Variants in NRXN2 observed in about 807,000 individuals in gnomAD.
NRXN2 encodes the protein neurexin 2.
Under a neutral mutation model 128.8 loss-of-function variants are expected in NRXN2, and 29 were observed. That is an observed-to-expected ratio of 0.23 (90% CI 0.17 to 0.31). NRXN2 has a LOEUF of 0.31. NRXN2 is among the 10% of genes least tolerant of loss of function. NRXN2 has a pLI of 1.00. For missense variants in NRXN2, 1,881 were observed against 2,452.6 expected (o/e 0.77, Z 4.92); for synonymous variants, 1,098 against 1,075.2 (o/e 1.02, Z -0.41).
Position 64,622,672 on chromosome 11 carries a change from C to T in NRXN2, c.4173+81G>A. ...AGACCCCTTGGACCCTCACTCTAGG[C>T]ACCACTACTGTGGCTATGCAGATAT... On this transcript the variant is annotated intron_variant, in intron 21 of 22. Coordinates refer to ENST00000265459, the MANE Select transcript of NRXN2 (RefSeq NM_015080.4). The surrounding 1 kb of genome is among the most constrained non-coding windows in gnomAD (Gnocchi z 4.3). The T allele has an allele frequency of 6.5e-7, 1 of 1,533,784 alleles. No individual in the cohort carries two copies. The highest frequency in any genetic ancestry group is 1.2e-5 in the South Asian group (1 of 82,028).
intron 17 of NRXN2, among the ~76,000 whole-genome samples, chr11:64,645,297 G>A (rs71579874): frequency 1.4e-4 from 22 of 152,244 alleles, no homozygotes; most frequent in South Asian, 6.2e-4. Context: ...ATCAATACCA[G>A]TGAGTGGGAA....
At chr11:64,698,797 A>G (rs1461333151) in intron 2 of NRXN2, among the ~76,000 whole-genome samples, 3 of 152,176 alleles carry the variant, frequency 2.0e-5, no homozygotes, top group African/African-American at 7.2e-5. Flanking sequence ...ACTAAGCTAC[A>G]ACTCCTCAAG....
At chr11:64,693,003 T>G in intron 3 of NRXN2, 127 bp from the exon 4 acceptor site, 30 of 764,654 alleles carry the variant, frequency 3.9e-5, no homozygotes, top group Non-Finnish European at 4.4e-5. Flanking sequence ...AAAAAGCTTT[T>G]GCTGCCACAA....
At chr11:64,640,955 C>T (rs1372843519) in intron 17 of NRXN2, among the ~76,000 whole-genome samples, 2 of 151,188 alleles carry the variant, frequency 1.3e-5, no homozygotes, top group African/African-American at 4.9e-5. Flanking sequence ...GATGGAGGAG[C>T]AAAAATGGAG....
chr11:64,633,382 C>G (rs540210574), intron 18 of NRXN2, among the ~76,000 whole-genome samples: 2 of 152,342 alleles, frequency 1.3e-5, no homozygotes, highest in South Asian at 4.1e-4. Flanking sequence ...CCTTCAACCT[C>G]CAAACATCCC....
At chr11:64,685,092 C>T (rs1161592563) in intron 6 of NRXN2, among the ~76,000 whole-genome samples, 1 of 152,170 alleles carries the variant, frequency 6.6e-6, no homozygotes, top group Non-Finnish European at 1.5e-5. Context: ...TCACTGGCTC[C>T]ATCTCTGCCT....
At chr11:64,644,330 G>GC (rs986622477) in intron 17 of NRXN2, among the ~76,000 whole-genome samples, 1 of 151,198 alleles carries the variant, frequency 6.6e-6, no homozygotes, top group Non-Finnish European at 1.5e-5. Flanking sequence ...TGCTCCCCCA[G>GC]CCCCCTGCAC....
At chr11:64,633,223 C>A (rs2044186149) in intron 18 of NRXN2, among the ~76,000 whole-genome samples, 1 of 152,228 alleles carries the variant, frequency 6.6e-6, no homozygotes, top group Non-Finnish European at 1.5e-5. Flanking sequence ...CATCCTGATC[C>A]CCCTACCCTT....
chr11:64,660,847 G>A lies in NRXN2; in HGVS notation c.2091C>T (p.Ala697=). Residue 697 remains alanine, a synonymous_variant, in exon 10 of 23, where the codon GCC becomes GCT. Transcript: ENST00000265459. This position sits in a 1 kb window ranked among gnomAD's most constrained non-coding sequence, Gnocchi z 5.2. ...SRETLKQCAS[A]PCRNGGVCRE... ...GACAGACGCCCCCATTGCGACAGGG[G>A]GCAGATGCACACTGCTTCAGCGTCT... is the stretch of plus-strand genomic sequence containing the variant. 1 of 1,613,996 alleles carries A rather than the reference G, an allele frequency of 6.2e-7. No homozygotes were observed. Among genetic ancestry groups the A allele is most frequent in the South Asian group, 1.1e-5 (1 of 91,082 alleles).
intron 18 of NRXN2, among the ~76,000 whole-genome samples, chr11:64,633,353 T>G (rs1591638429): frequency 1.3e-5 from 2 of 152,208 alleles, no homozygotes; most frequent in South Asian, 4.1e-4. Flanking sequence ...GCTCCCTACG[T>G]TCTTCACATA....
At chr11:64,701,771 G>A (rs1048529809) in intron 2 of NRXN2, among the ~76,000 whole-genome samples, 153 of 151,908 alleles carry the variant, frequency 1.0e-3, no homozygotes, top group Non-Finnish European at 1.9e-3. Context: ...GTCCGGGGGG[G>A]AAGTGGGGGG....
chr11:64,617,161 CGTGT>C (rs35015925), intron 22 of NRXN2, among the ~76,000 whole-genome samples: 4 of 151,254 alleles, frequency 2.6e-5, no homozygotes, highest in African/African-American at 7.3e-5. Context: ...TAGGTTTGAA[CGTGT>C]GTGTGTGTGT....
chr11:64,713,318 C>G lies in NRXN2; in HGVS notation c.382G>C (p.Val128Leu). Residue 128 changes from valine (V) to leucine (L), a missense_variant, in exon 2 of 23, where the codon GTG (valine) becomes CTG (leucine). Val to Leu is a conservative substitution (Grantham distance 32). Transcript: ENST00000265459. ...TRDARRTALA[V>L]DGEARAAEVR... ...TCGGCGGCGCGGGCCTCGCCGTCCACCGCCAGCGCCGTGCGGCGCGCGTCG... is the reference window on the plus strand; with the variant it reads ...TCGGCGGCGCGGGCCTCGCCGTCCAGCGCCAGCGCCGTGCGGCGCGCGTCG... 1 of 1,368,456 alleles carries G rather than the reference C, an allele frequency of 7.3e-7. No homozygotes were observed. Among genetic ancestry groups the G allele is most frequent in the Non-Finnish European group, 9.4e-7 (1 of 1,068,524 alleles). 84.8% of individuals were successfully genotyped at this position (1,368,456 alleles called of 1,614,324 possible).
intron 2 of NRXN2, 160 bp downstream of exon 2, chr11:64,712,810 G>T: frequency 1.6e-6 from 1 of 607,474 alleles, no homozygotes; most frequent in South Asian, 1.5e-5. Flanking sequence ...GCCCTCGCCC[G>T]GACACGCGTC....
rs1278027042 is a variant in NRXN2, at chr11:64,606,174, T to C, written c.*1022A>G. On this transcript the variant is annotated 3_prime_UTR_variant, in exon 23 of 23. Transcript: ENST00000265459. Reference sequence around the variant, plus strand: ...CCCCCAAAAAAACTGCACAGGACCGTTGGAATTTGGAAAGTTTTTGTTTTC... The same window carrying C: ...CCCCCAAAAAAACTGCACAGGACCGCTGGAATTTGGAAAGTTTTTGTTTTC... 1 of 152,216 alleles carries C rather than the reference T, an allele frequency of 6.6e-6. No individual in the cohort carries two copies. Among genetic ancestry groups the C allele is most frequent in the African/African-American group, 2.4e-5 (1 of 41,366 alleles). 9.4% of individuals were successfully genotyped at this position (152,216 alleles called of 1,614,324 possible). A position where few individuals can be genotyped will look rare whatever the true frequency, so the allele number is the denominator to read the frequency against.
At chr11:64,716,492 A>AG (rs956582396) in intron 1 of NRXN2, among the ~76,000 whole-genome samples, 2 of 152,210 alleles carry the variant, frequency 1.3e-5, no homozygotes, top group Middle Eastern at 3.4e-3. Context: ...GTGGAGGGGC[A>AG]GGGGGGCGAA....
rs781265629 is a variant in NRXN2, at chr11:64,650,495, C to A, written c.3062G>T (p.Arg1021Leu). The change falls in exon 15 of 23, where the codon CGC (arginine) becomes CTC (leucine). Residue 1021 changes from arginine to leucine, a missense_variant. Physicochemically the swap from Arg to Leu is moderately radical, Grantham distance 102. Transcript: ENST00000265459. ...GNVHTLKIDS[R>L]TVTQHSNGAR... ...GCCATTGGAGTGCTGCGTGACAGTG[C>A]GGGAGTCAATCTTGAGCGTGTGCAC... 2 of 1,614,116 alleles carry A rather than the reference C, an allele frequency of 1.2e-6. No individual in the cohort carries two copies. Among genetic ancestry groups the A allele is most frequent in the East Asian group, 2.2e-5 (1 of 44,872 alleles).
At chr11:64,682,505 G>C (rs1409019971) in intron 6 of NRXN2, among the ~76,000 whole-genome samples, 3 of 151,506 alleles carry the variant, frequency 2.0e-5, no homozygotes, top group South Asian at 4.2e-4. Context: ...CCGCATCTTT[G>C]AGGGACTCCA....
rs770441040 is a variant in NRXN2, at chr11:64,668,536, G to A, written c.1266C>T (p.Gly422=). The A allele has an allele frequency of 5.5e-5, 89 of 1,613,964 alleles. No homozygotes were observed. In the East Asian group the frequency reaches 2.0e-3, roughly 36 times the overall value. The change falls in exon 8 of 23, where the codon GGC becomes GGT. Residue 422 remains glycine (G), a synonymous_variant. Coordinates refer to ENST00000265459, the MANE Select transcript of NRXN2 (RefSeq NM_015080.4). ...CCCCAATGTAGAAGAAGTCATCAGA[G>A]CCCAGCATGGTGTAATCCTCCTGCG... ...GYTQEDYTML[G]SDDFFYIGGS...
Sources: allele counts gnomAD v4.1 joint callset (sites outside exome capture counted in the v4.1 genomes callset), GRCh38; gene constraint gnomAD v4.1.1; non-coding constraint Gnocchi (gnomAD v3.1); transcripts MANE v1.5; gene names NCBI Gene and HGNC (gene_info 2026-07-23, HGNC 2026-07-21).